The following MGMT variants were observed in gnomAD, a reference collection of about 807,000 sequenced individuals.
The protein encoded by MGMT is methylated-DNA--protein-cysteine methyltransferase.
Under a neutral mutation model 15.9 loss-of-function variants are expected in MGMT, and 14 were observed. The ratio of observed to expected loss-of-function variants is 0.88; its 90% confidence interval spans 0.58 to 1.37. The LOEUF is 1.37. MGMT is among the 40% of genes most tolerant of loss of function. MGMT has a pLI of 0.00. For missense variants in MGMT, 282 were observed against 268.1 expected, an observed-to-expected ratio of 1.05 and a Z score of -0.36; for synonymous variants, 130 against 118.2, an observed-to-expected ratio of 1.10 and a Z score of -0.65.
chr10:129,482,281 A>G (rs1845366666), intron 1 of MGMT, among the ~76,000 whole-genome samples: 1 of 152,138 alleles, frequency 6.6e-6, no homozygotes, highest in Admixed American at 6.5e-5. Context: ...TAATCAGAGG[A>G]CATACCTGTT....
chr10:129,534,267 A>G (rs1425181177), intron 1 of MGMT, among the ~76,000 whole-genome samples: 1 of 152,082 alleles, frequency 6.6e-6, no homozygotes, highest in Non-Finnish European at 1.5e-5. Flanking sequence ...CCCTCTCGGG[A>G]AGCCTGGTTT....
chr10:129,688,000 A>G (rs1362027119), intron 2 of MGMT, among the ~76,000 whole-genome samples: 1 of 152,154 alleles, frequency 6.6e-6, no homozygotes. Context: ...TTCCAGCTTC[A>G]TCCATGTCCC....
At position 129,770,347 on chromosome 10, in the gene MGMT, T is replaced by G. The variant is rs1028593131; in HGVS notation, c.*3350T>G. Among the ~76,000 whole-genome samples the G allele has an allele frequency of 6.6e-6, 1 of 152,244 alleles. No homozygotes were observed. The highest frequency in any genetic ancestry group is 1.5e-5 in the Non-Finnish European group (1 of 68,032). Reference sequence around the variant, plus strand: ...TGGAGCCCTGTGGAGTGGCGGACTCTGGGGAGTAGCTGGTCAGTGAGATTC... The same window carrying G: ...TGGAGCCCTGTGGAGTGGCGGACTCGGGGGAGTAGCTGGTCAGTGAGATTC... On this transcript the variant is annotated 3_prime_UTR_variant, in exon 5 of 5. Coordinates refer to ENST00000651593, the MANE Select transcript of MGMT (RefSeq NM_002412.5).
intron 4 of MGMT, among the ~76,000 whole-genome samples, chr10:129,764,982 ACGT>A (rs1848916891): frequency 6.6e-6 from 1 of 152,076 alleles, no homozygotes; most frequent in Non-Finnish European, 1.5e-5. Flanking sequence ...TGTGCCTTCT[ACGT>A]GTCGTGCCAG....
At chr10:129,636,320 T>C (rs1847264547) in intron 2 of MGMT, among the ~76,000 whole-genome samples, 1 of 152,198 alleles carries the variant, frequency 6.6e-6, no homozygotes, top group Admixed American at 6.5e-5. Context: ...GTGGAACACA[T>C]TCACGTATAA....
chr10:129,541,826 G>C (rs1332281545), intron 2 of MGMT, among the ~76,000 whole-genome samples: 2 of 152,152 alleles, frequency 1.3e-5, no homozygotes, highest in African/African-American at 4.8e-5. Context: ...CTCTTTTTCT[G>C]TCTTCATGGT....
At chr10:129,573,953 G>A (rs1846449002) in intron 2 of MGMT, among the ~76,000 whole-genome samples, 1 of 152,192 alleles carries the variant, frequency 6.6e-6, no homozygotes, top group African/African-American at 2.4e-5. Flanking sequence ...ACATTTTAAA[G>A]AAGGCAGAAT....
At chr10:129,470,785 G>C (rs574979973) in intron 1 of MGMT, among the ~76,000 whole-genome samples, 1 of 152,358 alleles carries the variant, frequency 6.6e-6, no homozygotes, top group African/African-American at 2.4e-5. Context: ...TGGCTCAGCA[G>C]CAGAGCAGGG....
At chr10:129,569,017 T>C (rs535929637) in intron 2 of MGMT, among the ~76,000 whole-genome samples, 2 of 152,358 alleles carry the variant, frequency 1.3e-5, no homozygotes, top group African/African-American at 4.8e-5. Flanking sequence ...GAGGCAGGCC[T>C]GGCTAATGTC....
chr10:129,730,834 T>C (rs1000161203), intron 3 of MGMT, among the ~76,000 whole-genome samples: 1 of 152,266 alleles, frequency 6.6e-6, no homozygotes, highest in Admixed American at 6.5e-5. Flanking sequence ...AGGGTGTTAA[T>C]GTATAATTAT....
At chr10:129,663,189 T>C (rs367620526) in intron 2 of MGMT, among the ~76,000 whole-genome samples, 3 of 152,232 alleles carry the variant, frequency 2.0e-5, no homozygotes, top group African/African-American at 7.2e-5. Flanking sequence ...CAACATTCTC[T>C]GATCACAGTG....
intron 2 of MGMT, among the ~76,000 whole-genome samples, chr10:129,619,411 G>A (rs1453707445): frequency 6.6e-6 from 1 of 152,012 alleles, no homozygotes. Context: ...AATAATGCTG[G>A]TTATATTTGC....
At chr10:129,704,066 G>A (rs1195620123) in intron 2 of MGMT, among the ~76,000 whole-genome samples, 1 of 152,138 alleles carries the variant, frequency 6.6e-6, no homozygotes, top group Non-Finnish European at 1.5e-5. Context: ...GGACAGCAAA[G>A]TACATTACAT....
chr10:129,756,390 G>A lies in MGMT; in HGVS notation c.275-2812G>A, dbSNP rs182106426. Among the ~76,000 whole-genome samples, 437 of 152,360 alleles carry A rather than the reference G, an allele frequency of 2.9e-3. 3 individuals are homozygous for A. Among genetic ancestry groups the A allele is most frequent in the Non-Finnish European group, 4.6e-3 (316 of 68,030 alleles). On this transcript the variant is annotated intron_variant, in intron 3 of 4. Transcript: ENST00000651593. ...CCAGAATGTGGCGTTCGGAGGCCGCGTCACAGAGCCCCAAGGTCTCGGGGC... is the reference window on the plus strand; with the variant it reads ...CCAGAATGTGGCGTTCGGAGGCCGCATCACAGAGCCCCAAGGTCTCGGGGC...
intron 2 of MGMT, among the ~76,000 whole-genome samples, chr10:129,555,721 A>AT (rs1337427180): frequency 2.0e-5 from 3 of 152,172 alleles, no homozygotes; most frequent in African/African-American, 4.8e-5. Context: ...TCTCTAAAAA[A>AT]AAAATAAAAT....
At chr10:129,570,800 C>T (rs916291492) in intron 2 of MGMT, among the ~76,000 whole-genome samples, 2 of 152,144 alleles carry the variant, frequency 1.3e-5, no homozygotes, top group African/African-American at 4.8e-5. Context: ...TATGAGGATT[C>T]TGCCTATCCT....
chr10:129,535,381 GC>G (rs1845973866), intron 1 of MGMT, among the ~76,000 whole-genome samples: 1 of 152,144 alleles, frequency 6.6e-6, no homozygotes. Context: ...GGGTGGCAGA[GC>G]AAGACCTCGT....
At chr10:129,476,741 G>A (rs1845298966) in intron 1 of MGMT, among the ~76,000 whole-genome samples, 1 of 152,110 alleles carries the variant, frequency 6.6e-6, no homozygotes, top group Non-Finnish European at 1.5e-5. Context: ...GCTGCCCTGT[G>A]TGTCCTGCTA....
chr10:129,485,920 G>C (rs547209597), intron 1 of MGMT, among the ~76,000 whole-genome samples: 1 of 152,208 alleles, frequency 6.6e-6, no homozygotes, highest in Non-Finnish European at 1.5e-5. Flanking sequence ...TGAAAAGAAA[G>C]CTTCACTGAC....
Sources: allele counts gnomAD v4.1 joint callset (sites outside exome capture counted in the v4.1 genomes callset), GRCh38; gene constraint gnomAD v4.1.1; transcripts MANE v1.5; gene names NCBI Gene and HGNC (gene_info 2026-07-23, HGNC 2026-07-21).